The following ZSWIM5 variants were observed in gnomAD, a reference collection of about 807,000 sequenced individuals.
The protein encoded by ZSWIM5 is zinc finger SWIM domain-containing protein 5.
A neutral mutation model predicts 119.6 loss-of-function variants in ZSWIM5; 55 were observed. That is an observed-to-expected ratio of 0.46 (90% CI 0.37 to 0.58). The LOEUF (loss-of-function observed/expected upper bound fraction) is 0.58. ZSWIM5 is among the 20% of genes least tolerant of loss of function. The probability of loss-of-function intolerance (pLI) is 0.00; values close to 1 mark genes in which losing one functional copy is unlikely to be tolerated. For synonymous variants in ZSWIM5, 537 were observed against 606.9 expected, an observed-to-expected ratio of 0.88 and a Z score of 1.69; for missense variants, 1,193 against 1,512.8, an observed-to-expected ratio of 0.79 and a Z score of 3.51.
At chr1:45,090,645 A>T in intron 1 of ZSWIM5, among the ~76,000 whole-genome samples, 1 of 151,374 alleles carries the variant, frequency 6.6e-6, no homozygotes. Context: ...AAATAAAATA[A>T]AAATAAAATA....
At chr1:45,137,781 T>C (rs545713634) in intron 1 of ZSWIM5, among the ~76,000 whole-genome samples, 4 of 152,206 alleles carry the variant, frequency 2.6e-5, no homozygotes, top group East Asian at 3.9e-4. Context: ...GACAGATTAG[T>C]TGGAGTCTTG....
At chr1:45,081,841 T>C (rs1440496722) in intron 2 of ZSWIM5, among the ~76,000 whole-genome samples, 1 of 152,002 alleles carries the variant, frequency 6.6e-6, no homozygotes, top group African/African-American at 2.4e-5. Context: ...CAACAGCTCA[T>C]TGAGAACGGG....
chr1:45,100,510 A>C (rs1352717530), intron 1 of ZSWIM5, among the ~76,000 whole-genome samples: 1 of 152,234 alleles, frequency 6.6e-6, no homozygotes, highest in Non-Finnish European at 1.5e-5. Context: ...ATCCCCATCA[A>C]ACTACCAATG....
chr1:45,111,374 G>T (rs2149023543), intron 1 of ZSWIM5, among the ~76,000 whole-genome samples: 1 of 152,324 alleles, frequency 6.6e-6, no homozygotes, highest in East Asian at 1.9e-4. Context: ...AAACAAAACA[G>T]CAGTGGGAAG....
intron 1 of ZSWIM5, among the ~76,000 whole-genome samples, chr1:45,120,452 C>T (rs531926354): frequency 5.9e-5 from 9 of 151,556 alleles, no homozygotes; most frequent in Non-Finnish European, 1.0e-4. Flanking sequence ...ATTCAGTTCT[C>T]TATCTTACTC....
intron 4 of ZSWIM5, among the ~76,000 whole-genome samples, chr1:45,051,906 T>C (rs1383867127): frequency 6.6e-6 from 1 of 152,208 alleles, no homozygotes. Flanking sequence ...TAGTAGAATC[T>C]TGGTATTTGC....
chr1:45,060,548 T>C (rs574606854), intron 2 of ZSWIM5, among the ~76,000 whole-genome samples: 3 of 152,270 alleles, frequency 2.0e-5, no homozygotes, highest in South Asian at 4.1e-4. Flanking sequence ...AATATGCAAA[T>C]TGTGCATTTT....
At chr1:45,184,296 T>C (rs1003929514) in intron 1 of ZSWIM5, among the ~76,000 whole-genome samples, 14 of 151,934 alleles carry the variant, frequency 9.2e-5, no homozygotes, top group Non-Finnish European at 1.6e-4. Flanking sequence ...AATATCATAC[T>C]GAATGGGCAA....
intron 1 of ZSWIM5, among the ~76,000 whole-genome samples, chr1:45,098,977 CA>C (rs1387781092): frequency 6.6e-6 from 1 of 152,096 alleles, no homozygotes; most frequent in Non-Finnish European, 1.5e-5. Flanking sequence ...CTTAACATCA[CA>C]ATTAAAAGAA....
At chr1:45,162,581 G>A (rs754638311) in intron 1 of ZSWIM5, among the ~76,000 whole-genome samples, 10 of 152,198 alleles carry the variant, frequency 6.6e-5, no homozygotes, top group Non-Finnish European at 1.2e-4. Context: ...CAAGGGAAGC[G>A]GAGACAGATG....
intron 1 of ZSWIM5, among the ~76,000 whole-genome samples, chr1:45,167,597 A>C (rs972913421): frequency 4.6e-5 from 7 of 152,182 alleles, no homozygotes; most frequent in African/African-American, 1.7e-4. Flanking sequence ...TAATATCCAG[A>C]ATCTACAAAG....
Position 45,157,590 on chromosome 1 carries a change from C to T in ZSWIM5, c.595+48166G>A, listed in dbSNP as rs116819837. Among the ~76,000 whole-genome samples the T allele has an allele frequency of 4.6e-3, 701 of 152,208 alleles. 8 individuals carry two copies. Among genetic ancestry groups the T allele is most frequent in the African/African-American group, 0.016 (660 of 41,558 alleles). Reference sequence around the variant, plus strand: ...CAGTTTGTTTAGCCATTCTCCTATCCGTGTACAACTAGGATGTTTCTAGTT... The same window carrying T: ...CAGTTTGTTTAGCCATTCTCCTATCTGTGTACAACTAGGATGTTTCTAGTT... On this transcript the variant is annotated intron_variant, in intron 1 of 13. Transcript: ENST00000359600.
chr1:45,183,523 G>C (rs1488179393), intron 1 of ZSWIM5, among the ~76,000 whole-genome samples: 1 of 152,154 alleles, frequency 6.6e-6, no homozygotes, highest in Non-Finnish European at 1.5e-5. Context: ...AAGAAAAAAA[G>C]AGAGAAGAAT....
chr1:45,179,024 CA>C (rs1254117051), intron 1 of ZSWIM5, among the ~76,000 whole-genome samples: 2 of 151,556 alleles, frequency 1.3e-5, no homozygotes, highest in Non-Finnish European at 2.9e-5. Flanking sequence ...TAGCAACAAA[CA>C]ATTAAAAAAT....
At chr1:45,103,469 C>A (rs144317435) in intron 1 of ZSWIM5, among the ~76,000 whole-genome samples, 13 of 152,302 alleles carry the variant, frequency 8.5e-5, no homozygotes, top group Middle Eastern at 3.4e-3. Flanking sequence ...GGGATCTGAA[C>A]ACAGGTAGTC....
chr1:45,097,633 T>G (rs1198024986), intron 1 of ZSWIM5, among the ~76,000 whole-genome samples: 1 of 152,214 alleles, frequency 6.6e-6, no homozygotes, highest in African/African-American at 2.4e-5. Flanking sequence ...AATTTCACAT[T>G]CTGAAACAAT....
intron 2 of ZSWIM5, among the ~76,000 whole-genome samples, chr1:45,085,670 C>G (rs1645323052): frequency 6.6e-6 from 1 of 152,054 alleles, no homozygotes. Context: ...TCCACAGATC[C>G]CAAGGGCAGG....
chr1:45,049,387 G>T (rs1645075715), intron 5 of ZSWIM5, among the ~76,000 whole-genome samples: 2 of 152,158 alleles, frequency 1.3e-5, no homozygotes, highest in Non-Finnish European at 2.9e-5. Flanking sequence ...AGCCCCAAAG[G>T]TAAAGGGATG....
At chr1:45,037,104 C>G (rs1644989699) in intron 8 of ZSWIM5, among the ~76,000 whole-genome samples, 1 of 128,342 alleles carries the variant, frequency 7.8e-6, no homozygotes. Flanking sequence ...CCCAGCCCCA[C>G]CTCCTTTTTT....
Sources: allele counts gnomAD v4.1 joint callset (sites outside exome capture counted in the v4.1 genomes callset), GRCh38; gene constraint gnomAD v4.1.1; transcripts MANE v1.5; gene names NCBI Gene and HGNC (gene_info 2026-07-23, HGNC 2026-07-21).